The following ELOVL6 variants were observed in gnomAD, a reference collection of about 807,000 sequenced individuals.
The protein encoded by ELOVL6 is very long chain fatty acid elongase 6.
ELOVL6 carries 8 observed loss-of-function variants against 31.7 expected under a neutral mutation model. The observed-to-expected ratio is 0.25, with a 90% CI of 0.15 to 0.45. ELOVL6 has a LOEUF of 0.45. Ranked by LOEUF, ELOVL6 falls within the 20% of genes least tolerant of loss-of-function variation. The pLI, the probability that ELOVL6 is intolerant of heterozygous loss-of-function variation, is 1.00. For synonymous variants in ELOVL6, 101 were observed against 117.7 expected, an observed-to-expected ratio of 0.86 and a Z score of 0.92; for missense variants, 126 against 326.4, an observed-to-expected ratio of 0.39 and a Z score of 4.73.
chr4:110,105,234 A>T (rs1299695083), intron 2 of ELOVL6, among the ~76,000 whole-genome samples: 2 of 152,146 alleles, frequency 1.3e-5, no homozygotes, highest in African/African-American at 4.8e-5. Context: ...ACTGCTTCTC[A>T]TCCTAACAGA....
chr4:110,070,261 G>T (rs941059346), intron 2 of ELOVL6, among the ~76,000 whole-genome samples: 2 of 152,114 alleles, frequency 1.3e-5, no homozygotes, highest in Non-Finnish European at 2.9e-5. Flanking sequence ...AAAGAACAAA[G>T]TTCTACCAAT....
chr4:110,128,497 GT>G (rs1757576463), intron 1 of ELOVL6, among the ~76,000 whole-genome samples: 1 of 152,296 alleles, frequency 6.6e-6, no homozygotes, highest in South Asian at 2.1e-4. Flanking sequence ...AATGGCACAG[GT>G]TTTAGACAAC....
intron 1 of ELOVL6, chr4:110,146,993 G>GAAA: frequency 6.8e-6 from 1 of 146,944 alleles, no homozygotes; most frequent in Non-Finnish European, 1.5e-5. Context: ...CTGTCTCAAA[G>GAAA]AAAAAAAAAA....
In ELOVL6 at chr4:110,179,051, T is replaced by C. The variant is rs551089597; in HGVS notation, c.89+19196A>G. On this transcript the variant is annotated intron_variant, in intron 1 of 3. Coordinates refer to ENST00000302274, the MANE Select transcript of ELOVL6 (RefSeq NM_024090.3). ...ACAAGTGTCTCTGCAAAAGTATGTA[T>C]TTTTTTATTTATCAAGATGAATCCT... Among the ~76,000 whole-genome samples, 231 of 152,262 alleles carry C rather than the reference T, an allele frequency of 1.5e-3. 1 individual carries two copies. Among genetic ancestry groups the C allele is most frequent in the African/African-American group, 5.4e-3 (223 of 41,562 alleles).
At chr4:110,084,084 GATATATAACATATATATGATATATATGAT>G (rs1560813879) in intron 2 of ELOVL6, among the ~76,000 whole-genome samples, 3 of 77,674 alleles carry the variant, frequency 3.9e-5, no homozygotes, top group East Asian at 5.0e-4. Context: ...TGCTATATAT[GATATATAACATATATATGATATATATGAT>G]ATATATAACA....
chr4:110,110,942 C>T (rs370303738), intron 1 of ELOVL6, among the ~76,000 whole-genome samples: 1 of 152,094 alleles, frequency 6.6e-6, no homozygotes, highest in African/African-American at 2.4e-5. Context: ...CTTTTTGCTT[C>T]CCCCTCCAGA....
chr4:110,167,653 TTATGTATGTATGTATGTATG>T (rs33925081), intron 1 of ELOVL6, among the ~76,000 whole-genome samples: 1,431 of 139,614 alleles, frequency 0.01, 27 homozygotes, highest in African/African-American at 0.035. Context: ...ACCACCTCAG[TTATGTATGTATGTATGTATG>T]TATGTATGTA....
chr4:110,183,936 C>T (rs985373527), intron 1 of ELOVL6, among the ~76,000 whole-genome samples: 4 of 152,086 alleles, frequency 2.6e-5, no homozygotes, highest in African/African-American at 4.8e-5. Flanking sequence ...GAGCTGAGAT[C>T]GTACCACTGT....
chr4:110,081,700 G>A (rs200141754), intron 2 of ELOVL6, among the ~76,000 whole-genome samples: 34,567 of 146,924 alleles, frequency 0.24, 4,349 homozygotes, highest in Non-Finnish European at 0.28. Context: ...CTTCATGTCT[G>A]AAACACTAAA....
In ELOVL6 at chr4:110,108,843, T is replaced by C. The variant is rs188841065; in HGVS notation, c.90-3215A>G. Among the ~76,000 whole-genome samples, 5 of 152,356 alleles carry C rather than the reference T, an allele frequency of 3.3e-5. No homozygotes were observed. In the East Asian group the frequency reaches 7.7e-4, roughly 24 times the overall value. ...CATGCACAGAAATCTTTTACTGTAG[T>C]GAAATTCAAATCCTTGGGGTTAGTT... is the stretch of plus-strand genomic sequence containing the variant. On this transcript the variant is annotated intron_variant, in intron 1 of 3. Transcript: ENST00000302274.
chr4:110,055,916 G>A (rs1175053480), intron 3 of ELOVL6, among the ~76,000 whole-genome samples: 1 of 152,084 alleles, frequency 6.6e-6, no homozygotes, highest in African/African-American at 2.4e-5. Context: ...TCACTGAAAT[G>A]AGCTCACGGT....
Position 110,046,382 on chromosome 4 carries a change from G to A in ELOVL6, c.*4956C>T, listed in dbSNP as rs1204854090. The stretch of plus-strand genomic sequence containing the variant: ...TCTAGTGAAATATATTTTACTGTGA[G>A]ACTTCTGCCTGCCCAGCCTAAAATC... On this transcript the variant is annotated 3_prime_UTR_variant, in exon 4 of 4. Transcript: ENST00000302274. 1 of 152,210 alleles carries A rather than the reference G, an allele frequency of 6.6e-6. No individual in the cohort carries two copies. The highest frequency in any genetic ancestry group is 2.4e-5 in the African/African-American group (1 of 41,450). The allele number at this position is 152,210 out of a possible 1,614,324, so 9.4% of individuals were successfully genotyped here. A position where few individuals can be genotyped will look rare whatever the true frequency, so the allele number is the denominator to read the frequency against.
At chr4:110,067,914 T>C (rs772715351) in intron 2 of ELOVL6, among the ~76,000 whole-genome samples, 18 of 152,232 alleles carry the variant, frequency 1.2e-4, no homozygotes, top group Non-Finnish European at 2.2e-4. Context: ...TGGTGTCAAA[T>C]AATCCTTGTG....
chr4:110,100,668 C>G (rs78656242), intron 2 of ELOVL6, among the ~76,000 whole-genome samples: 1 of 152,176 alleles, frequency 6.6e-6, no homozygotes, highest in Non-Finnish European at 1.5e-5. Context: ...CAGTGAAATA[C>G]ACAAAAATTC....
At chr4:110,074,740 T>A (rs1755583700) in intron 2 of ELOVL6, among the ~76,000 whole-genome samples, 2 of 152,148 alleles carry the variant, frequency 1.3e-5, no homozygotes, top group African/African-American at 4.8e-5. Flanking sequence ...AAACATTTTT[T>A]AAAACTTATA....
rs1214124001 is a variant in ELOVL6, at chr4:110,145,560, G to T, written c.90-39932C>A. Reference sequence around the variant, plus strand: ...AGACAATTACTACAGACAGAATGAAGCATGAAGAATAGAACAGATGTGGGT... The same window carrying T: ...AGACAATTACTACAGACAGAATGAATCATGAAGAATAGAACAGATGTGGGT... On this transcript the variant is annotated intron_variant, in intron 1 of 3. Transcript: ENST00000302274. Among the ~76,000 whole-genome samples, 5 of 152,152 alleles carry T rather than the reference G, an allele frequency of 3.3e-5. No individual in the cohort carries two copies. In the East Asian group the frequency reaches 9.6e-4, roughly 29 times the overall value.
At chr4:110,094,818 A>T (rs1248101730) in intron 2 of ELOVL6, among the ~76,000 whole-genome samples, 1 of 152,036 alleles carries the variant, frequency 6.6e-6, no homozygotes, top group Admixed American at 6.6e-5. Flanking sequence ...AGGGCAGTTG[A>T]TGCAAGAAAT....
rs1560820654 is a variant in ELOVL6, at chr4:110,094,433, AT to A, written c.221+11063del. On this transcript the variant is annotated intron_variant, in intron 2 of 3. Coordinates refer to ENST00000302274, the MANE Select transcript of ELOVL6 (RefSeq NM_024090.3). Reference sequence around the variant, plus strand: ...TATATATATATATATATATATATATATATATATATAATATATATAACATAAT... The same window carrying A: ...TATATATATATATATATATATATATAATATATATAATATATATAACATAAT... Among the ~76,000 whole-genome samples the A allele has an allele frequency of 1.2e-3, 71 of 59,768 alleles. 4 individuals carry two copies. Among genetic ancestry groups the A allele is most frequent in the African/African-American group, 3.1e-3 (38 of 12,108 alleles). The allele number at this position is 59,768 out of a possible 152,430, so 39.2% of individuals were successfully genotyped here.
chr4:110,184,260 A>G (rs1026763340), intron 1 of ELOVL6, among the ~76,000 whole-genome samples: 21 of 152,360 alleles, frequency 1.4e-4, no homozygotes, highest in South Asian at 6.2e-4. Context: ...AAGTTAATGA[A>G]CAGCCTCGTA....
Sources: gnomAD v4.1 joint callset for allele counts (sites outside exome capture counted in the v4.1 genomes callset) on GRCh38, gnomAD v4.1.1 for gene constraint, MANE v1.5 for transcripts, NCBI Gene and HGNC (gene_info 2026-07-23, HGNC 2026-07-21) for gene names.